Variants in CD163L1 observed in about 807,000 individuals in gnomAD.
The protein encoded by CD163L1 is CD163 molecule like 1.
CD163L1 carries 124 observed loss-of-function variants against 165.4 expected under a neutral mutation model. The observed-to-expected ratio is 0.75, with a 90% CI of 0.65 to 0.87. CD163L1 has a LOEUF of 0.87. Among genes scored for constraint, CD163L1 ranks in the 40% least tolerant of loss-of-function variants. The probability of loss-of-function intolerance (pLI) is 0.00; values close to 1 mark genes in which losing one functional copy is unlikely to be tolerated. For missense variants in CD163L1, 1,525 were observed against 1,799.9 expected, an observed-to-expected ratio of 0.85 and a Z score of 2.76; for synonymous variants, 585 against 662.2, an observed-to-expected ratio of 0.88 and a Z score of 1.79.
At chr12:7,386,775 C>T (rs1272278989) in intron 8 of CD163L1, among the ~76,000 whole-genome samples, 1 of 151,976 alleles carries the variant, frequency 6.6e-6, no homozygotes, top group Non-Finnish European at 1.5e-5. Flanking sequence ...AATTCAACAT[C>T]CCTTCATAAT....
intron 4 of CD163L1, among the ~76,000 whole-genome samples, chr12:7,417,225 A>T (rs1326208042): frequency 6.6e-6 from 1 of 151,930 alleles, no homozygotes; most frequent in Non-Finnish European, 1.5e-5. Flanking sequence ...TTTGTCTATT[A>T]TTGGTGTACA....
At position 7,367,221 on chromosome 12, in the gene CD163L1, TG is replaced by T. The variant is rs1565774196; in HGVS notation, c.4279+14del. 8 of 1,556,350 alleles carry T rather than the reference TG, an allele frequency of 5.1e-6. No individual in the cohort carries two copies. The highest frequency in any genetic ancestry group is 1.7e-4 in the Middle Eastern group (1 of 5,876). ...CACCCTCTCCATGGAGTGCGGCCCC[TG>T]GAGTTGCACAGACCTGAGGTTCTTG... On this transcript the variant is annotated intron_variant, in intron 18 of 19. Transcript: ENST00000313599.
intron 8 of CD163L1, among the ~76,000 whole-genome samples, chr12:7,383,540 A>ATATGCCACCTAGGG (rs1385334542): frequency 6.6e-6 from 1 of 152,176 alleles, no homozygotes; most frequent in African/African-American, 2.4e-5. Context: ...TGGTGCTTGC[A>ATATGCCACCTAGGG]TATGCCACCT....
At chr12:7,386,169 A>G (rs766428381) in intron 8 of CD163L1, among the ~76,000 whole-genome samples, 2 of 152,014 alleles carry the variant, frequency 1.3e-5, no homozygotes, top group African/African-American at 4.8e-5. Flanking sequence ...ACAAAAGATT[A>G]TAAGAGCCAA....
the CD163L1 span, chr12:7,320,684 A>C: frequency 1.2e-5 from 19 of 1,551,682 alleles, no homozygotes; most frequent in Non-Finnish European, 1.6e-5. Flanking sequence ...ATGGCCTTTG[A>C]ATGACCACTT....
At chr12:7,428,534 G>C (rs899572748) in intron 4 of CD163L1, among the ~76,000 whole-genome samples, 22 of 151,952 alleles carry the variant, frequency 1.4e-4, no homozygotes, top group African/African-American at 5.3e-4. Context: ...TCTCCACTCA[G>C]AGTAGTATTC....
At chr12:7,375,116 T>C (rs1433009573) in intron 11 of CD163L1, among the ~76,000 whole-genome samples, 165 bp downstream of exon 11, 4 of 152,182 alleles carry the variant, frequency 2.6e-5, no homozygotes, top group Non-Finnish European at 4.4e-5. Context: ...CCCTTAGGAA[T>C]GGTCCTAGTT....
intron 2 of CD163L1, among the ~76,000 whole-genome samples, chr12:7,440,396 G>A (rs1273617093): frequency 6.6e-6 from 1 of 151,588 alleles, no homozygotes; most frequent in East Asian, 1.9e-4. Context: ...GTGCGGGACC[G>A]CGGCGCGCCC....
At chr12:7,433,110 T>C (rs1042797700) in intron 3 of CD163L1, among the ~76,000 whole-genome samples, 2 of 152,188 alleles carry the variant, frequency 1.3e-5, no homozygotes, top group Admixed American at 6.5e-5. Context: ...ATAGTTATGA[T>C]AAAGATATTA....
the CD163L1 span, among the ~76,000 whole-genome samples, chr12:7,330,595 C>T: frequency 6.6e-6 from 1 of 152,202 alleles, no homozygotes; most frequent in East Asian, 1.9e-4. Context: ...CACTCTCTTC[C>T]TTCAGAGATA....
chr12:7,407,813 A>AGT (rs1565801237), intron 4 of CD163L1, among the ~76,000 whole-genome samples: 1 of 151,436 alleles, frequency 6.6e-6, no homozygotes, highest in Non-Finnish European at 1.5e-5. Context: ...ACACAGACAC[A>AGT]CACACACACA....
chr12:7,397,208 T>C (rs1269267271), intron 7 of CD163L1, among the ~76,000 whole-genome samples: 4 of 152,186 alleles, frequency 2.6e-5, no homozygotes, highest in African/African-American at 9.7e-5. Flanking sequence ...TAGGACATTT[T>C]TGTCAAACTT....
chr12:7,327,115 G>A, the CD163L1 span: 1 of 1,579,416 alleles, frequency 6.3e-7, no homozygotes, highest in Non-Finnish European at 8.6e-7. Flanking sequence ...TTGCCCAAAA[G>A]TTAAGTTTGG....
the CD163L1 span, chr12:7,320,634 A>G: frequency 1.9e-6 from 2 of 1,068,328 alleles, no homozygotes; most frequent in Non-Finnish European, 2.8e-6. Context: ...GGCACATATT[A>G]ATGGAAGAAA....
At position 7,396,320 on chromosome 12, in the gene CD163L1, C is replaced by T. The variant is rs1352062997; in HGVS notation, c.1825G>A (p.Asp609Asn). 8 of 1,614,062 alleles carry T rather than the reference C, an allele frequency of 5.0e-6. No homozygotes were observed. The East Asian group carries it at 1.1e-4, about 22-fold the overall frequency. The change falls in exon 8 of 20, where the codon GAT (aspartate) becomes AAT (asparagine). Residue 609 changes from aspartate (D) to asparagine (N), a missense_variant. Asp to Asn is a conservative substitution (Grantham distance 23). Coordinates refer to ENST00000313599, the MANE Select transcript of CD163L1 (RefSeq NM_174941.6). ...GCAGCTTTACTGTTCCAGCCGTCAT[C>T]ACACACTGTGCCCCACCGTCCTTGA... is the stretch of plus-strand genomic sequence containing the variant. Reference protein sequence around the residue: ...YFQGRWGTVCDDGWNSKAAAV... With the variant: ...YFQGRWGTVCNDGWNSKAAAV...
rs1469925504 is a variant in CD163L1, at chr12:7,347,411, T to C, written c.*25-264A>G. Among the ~76,000 whole-genome samples the C allele has an allele frequency of 2.6e-5, 4 of 152,324 alleles. 1 individual carries two copies. The Middle Eastern group carries it at 0.01, about 389-fold the overall frequency. ...ATGTTAAAAGTTAGCCTAATAGTTT[T>C]CTTCATTGACAATGGGTGGTTACTT... On this transcript the variant is annotated intron_variant, in intron 4 of 4. Transcript: ENST00000539726. This position sits in a 1 kb window ranked among gnomAD's most constrained non-coding sequence, Gnocchi z 4.2.
rs1028328969 is a variant in CD163L1 at position 7,368,176 on chromosome 12, G to C, written c.4094C>G (p.Ser1365Cys). The change falls in exon 17 of 20, where the codon TCC becomes TGC. Residue 1365 changes from serine (S) to cysteine (C), a missense_variant. By Grantham distance (112) the Ser-to-Cys change is moderately radical (BLOSUM62 -1). Coordinates refer to ENST00000313599, the MANE Select transcript of CD163L1 (RefSeq NM_174941.6). This position sits in a 1 kb window ranked among gnomAD's most constrained non-coding sequence, Gnocchi z 4.3. ...ASSGHLALIL[S>C]SIFGLLLLVL... The stretch of plus-strand genomic sequence containing the variant: ...CAGGAGAAGGAGCCCAAAGATACTG[G>C]ATAAAATAAGTGCTAAATGACCTGT... 1 of 1,599,268 alleles carries C rather than the reference G, an allele frequency of 6.3e-7. No homozygotes were observed. The highest frequency in any genetic ancestry group is 8.6e-7 in the Non-Finnish European group (1 of 1,166,914).
chr12:7,404,990 G>C (rs894231027), intron 5 of CD163L1, among the ~76,000 whole-genome samples: 24 of 152,086 alleles, frequency 1.6e-4, no homozygotes, highest in African/African-American at 5.3e-4. Context: ...AAAATCCTCT[G>C]ACTACAGGGC....
intron 4 of CD163L1, among the ~76,000 whole-genome samples, chr12:7,418,990 A>C (rs767945278): frequency 2.0e-5 from 3 of 152,216 alleles, no homozygotes; most frequent in Non-Finnish European, 4.4e-5. Context: ...ACTATTCCAC[A>C]AGATTCAGAG....
Sources: allele counts gnomAD v4.1 joint callset (sites outside exome capture counted in the v4.1 genomes callset), GRCh38; gene constraint gnomAD v4.1.1; non-coding constraint Gnocchi (gnomAD v3.1); transcripts MANE v1.5; gene names NCBI Gene and HGNC (gene_info 2026-07-23, HGNC 2026-07-21).